LITAF: variants seen among roughly 807,000 people sequenced by gnomAD.
LITAF encodes lipopolysaccharide induced TNF factor, also known as lipopolysaccharide-induced tumor necrosis factor-alpha factor.
A neutral mutation model predicts 14.5 loss-of-function variants in LITAF; 9 were observed. That is an observed-to-expected ratio of 0.62 (90% CI 0.37 to 1.08). The LOEUF is 1.08. Ranked by LOEUF, LITAF falls within the 50% of genes least tolerant of loss-of-function variation. LITAF has a pLI of 0.01. For synonymous variants in LITAF, 98 were observed against 88.2 expected (o/e 1.11, Z -0.62); for missense variants, 206 against 213.4 (o/e 0.97, Z 0.22).
intron 3 of LITAF, among the ~76,000 whole-genome samples, chr16:11,622,947 AATAT>A (rs56677620): frequency 0.026 from 3,811 of 145,312 alleles, 131 homozygotes; most frequent in African/African-American, 0.086. Context: ...TCATATAATG[AATAT>A]ATATATATAT....
Position 11,547,965 on chromosome 16 carries a change from C to T in LITAF, c.*1672G>A, listed in dbSNP as rs2064129380. 2.2e-6 allele frequency: 1 copy of T among 453,894 alleles called. No homozygotes were observed. Among genetic ancestry groups the T allele is most frequent in the African/African-American group, 2.0e-5 (1 of 49,972 alleles). The allele number at this position is 453,894 out of a possible 1,614,324, so 28.1% of individuals were successfully genotyped here. ...CAATGGCTGGAAATGCAACATGAGCCCTTTCTTCACACCAAAAGAACTCAT... is the reference window on the plus strand; with the variant it reads ...CAATGGCTGGAAATGCAACATGAGCTCTTTCTTCACACCAAAAGAACTCAT... On this transcript the variant is annotated 3_prime_UTR_variant, in exon 4 of 4. Coordinates refer to ENST00000622633, the MANE Select transcript of LITAF (RefSeq NM_001136472.2).
chr16:11,616,686 C>T (rs1419099757), intron 3 of LITAF, among the ~76,000 whole-genome samples: 1 of 151,932 alleles, frequency 6.6e-6, no homozygotes, highest in East Asian at 1.9e-4. Flanking sequence ...CCCTTACAGT[C>T]AGATGATCAT....
At chr16:11,614,726 G>A (rs1040669632) in intron 3 of LITAF, among the ~76,000 whole-genome samples, 1 of 152,182 alleles carries the variant, frequency 6.6e-6, no homozygotes, top group Non-Finnish European at 1.5e-5. Flanking sequence ...GCCTTCCAGA[G>A]TGCTGGAATC....
At position 11,549,301 on chromosome 16, in the gene LITAF, A is replaced by G. The variant is rs1213122513; in HGVS notation, c.*336T>C. 4.5e-6 allele frequency: 2 copies of G among 448,090 alleles called. No homozygotes were observed. The highest frequency in any genetic ancestry group is 6.9e-5 in the East Asian group (1 of 14,534). 27.8% of individuals were successfully genotyped at this position (448,090 alleles called of 1,614,324 possible). On this transcript the variant is annotated 3_prime_UTR_variant, in exon 4 of 4. Coordinates refer to ENST00000622633, the MANE Select transcript of LITAF (RefSeq NM_001136472.2). This position sits in a 1 kb window ranked among gnomAD's most constrained non-coding sequence, Gnocchi z 4.6. ...CACCAGAAAGGCCCATGGAAGCAGG[A>G]AAAAAGAGCCACTGATGGCAGATCA...
chr16:11,603,811 G>A (rs1309210571), intron 3 of LITAF, among the ~76,000 whole-genome samples: 2 of 152,148 alleles, frequency 1.3e-5, no homozygotes, highest in Non-Finnish European at 2.9e-5. Context: ...TTGGGAGGCT[G>A]AGGCGGGCGG....
chr16:11,638,442 C>T (rs2141917468), upstream of LITAF, among the ~76,000 whole-genome samples: 1 of 151,984 alleles, frequency 6.6e-6, no homozygotes, highest in African/African-American at 2.4e-5. Context: ...GTGGCTCACG[C>T]CTATAATCCC....
chr16:11,553,147 A>G lies in LITAF; in HGVS notation c.377+386T>C, dbSNP rs1429616322. On this transcript the variant is annotated intron_variant, in intron 3 of 3. Coordinates refer to ENST00000622633, the MANE Select transcript of LITAF (RefSeq NM_001136472.2). This position sits in a 1 kb window ranked among gnomAD's most constrained non-coding sequence, Gnocchi z 7.7. Reference sequence around the variant, plus strand: ...GAAAGAAATGCCTTAGGCCAGGCACAGTGGCTCACACCTGTAACCCCAGCA... The same window carrying G: ...GAAAGAAATGCCTTAGGCCAGGCACGGTGGCTCACACCTGTAACCCCAGCA... 2.7e-4 allele frequency among the ~76,000 whole-genome samples: 41 copies of G among 149,152 alleles called. No individual in the cohort carries two copies. The highest frequency in any genetic ancestry group is 1.0e-4 in the Non-Finnish European group (7 of 67,264).
upstream of LITAF, among the ~76,000 whole-genome samples, chr16:11,590,810 G>A (rs548026470): frequency 1.6e-4 from 19 of 117,408 alleles, 7 homozygotes; most frequent in African/African-American, 6.9e-4. Context: ...TCGGCTCACC[G>A]CAAACTCTGC....
chr16:11,611,458 G>A (rs1358867675), intron 3 of LITAF, among the ~76,000 whole-genome samples: 1 of 152,104 alleles, frequency 6.6e-6, no homozygotes, highest in Non-Finnish European at 1.5e-5. Flanking sequence ...ATCATTTGTT[G>A]TTTCTCTGAC....
At chr16:11,581,080 G>A (rs561094234) in intron 1 of LITAF, among the ~76,000 whole-genome samples, 10 of 152,190 alleles carry the variant, frequency 6.6e-5, no homozygotes, top group East Asian at 3.9e-4. Flanking sequence ...TTCCTTTTTC[G>A]TAGCTCAGGC....
At chr16:11,561,425 G>C (rs548900585) in intron 1 of LITAF, 1 of 152,184 alleles carries the variant, frequency 6.6e-6, no homozygotes, top group Non-Finnish European at 1.5e-5. Context: ...CCAGTTTCTC[G>C]TTTTGGAAAT....
intron 3 of LITAF, among the ~76,000 whole-genome samples, chr16:11,609,327 T>C (rs2064970187): frequency 6.6e-6 from 1 of 151,516 alleles, no homozygotes; most frequent in Non-Finnish European, 1.5e-5. Context: ...TTCTCCCGCC[T>C]CAGCCTCCTG....
intron 3 of LITAF, among the ~76,000 whole-genome samples, chr16:11,611,518 C>A (rs929587497): frequency 6.6e-6 from 1 of 152,176 alleles, no homozygotes; most frequent in African/African-American, 2.4e-5. Flanking sequence ...AATCTAGCAG[C>A]CTTTCCCCTA....
chr16:11,611,980 T>C (rs1412868369), intron 3 of LITAF, among the ~76,000 whole-genome samples: 2 of 152,224 alleles, frequency 1.3e-5, no homozygotes, highest in South Asian at 2.1e-4. Context: ...ATTTCGACTG[T>C]TGTGGGGTCC....
chr16:11,611,715 T>G (rs1000803465), intron 3 of LITAF, among the ~76,000 whole-genome samples: 1 of 151,522 alleles, frequency 6.6e-6, no homozygotes, highest in Non-Finnish European at 1.5e-5. Context: ...CAGGCTGGAG[T>G]GCAGTGGTGC....
At chr16:11,608,474 A>T (rs1407952669) in intron 3 of LITAF, among the ~76,000 whole-genome samples, 1 of 152,254 alleles carries the variant, frequency 6.6e-6, no homozygotes, top group Non-Finnish European at 1.5e-5. Context: ...TTGAAAACCT[A>T]AAAATCCATA....
intron 3 of LITAF, among the ~76,000 whole-genome samples, chr16:11,609,453 ATCCACCCGTC>A (rs1210770075): frequency 6.6e-6 from 1 of 152,050 alleles, no homozygotes; most frequent in Non-Finnish European, 1.5e-5. Flanking sequence ...ACCTCAAGTG[ATCCACCCGTC>A]TCGGCCTCCC....
chr16:11,548,610 A>AC lies in LITAF; in HGVS notation c.*1026dup. On this transcript the variant is annotated 3_prime_UTR_variant, in exon 4 of 4. Transcript: ENST00000622633. The stretch of plus-strand genomic sequence containing the variant: ...TTTCTTTTTTTTTTTTTTAAGTGAG[A>AC]CTACATTGGCAAATGGGAAAATGAC... 1 of 440,684 alleles carries AC rather than the reference A, an allele frequency of 2.3e-6. No homozygotes were observed. The highest frequency in any genetic ancestry group is 1.6e-5 in the South Asian group (1 of 62,290). The allele number at this position is 440,684 out of a possible 1,614,324, so 27.3% of individuals were successfully genotyped here. A position where few individuals can be genotyped will look rare whatever the true frequency, so the allele number is the denominator to read the frequency against.
chr16:11,619,334 A>C (rs1313519157), intron 3 of LITAF, among the ~76,000 whole-genome samples: 1 of 151,134 alleles, frequency 6.6e-6, no homozygotes, highest in African/African-American at 2.4e-5. Context: ...AAAAAAAAAA[A>C]CCCCAGCACT....
Sources: allele counts gnomAD v4.1 joint callset (sites outside exome capture counted in the v4.1 genomes callset), GRCh38; gene constraint gnomAD v4.1.1; non-coding constraint Gnocchi (gnomAD v3.1); transcripts MANE v1.5; gene names NCBI Gene and HGNC (gene_info 2026-07-23, HGNC 2026-07-21).